Variants in MAP6D1 observed in about 807,000 individuals in gnomAD.
The protein encoded by MAP6D1 is MAP6 domain containing 1.
In MAP6D1, 13 loss-of-function variants were observed where a neutral mutation model predicts 17.4. That is an observed-to-expected ratio of 0.75 (90% confidence interval 0.49 to 1.19). MAP6D1 has a LOEUF of 1.19. Among genes scored for constraint, MAP6D1 ranks in the 50% most tolerant of loss-of-function variants. The pLI, the probability that MAP6D1 is intolerant of heterozygous loss-of-function variation, is 0.00. For missense variants in MAP6D1, 313 were observed against 312.6 expected (o/e 1.00, Z -0.01); for synonymous variants, 141 against 145.7 (o/e 0.97, Z 0.23).
At chr3:183,825,029 G>A (rs1727348616) in intron 1 of MAP6D1, 118 bp downstream of exon 1, 6 of 1,116,180 alleles carry the variant, frequency 5.4e-6, no homozygotes, top group Non-Finnish European at 6.9e-6. Context: ...CCGAGGTCGC[G>A]TGGGATCCGG....
intron 1 of MAP6D1, among the ~76,000 whole-genome samples, chr3:183,823,635 AAAAATT>A (rs1214933924): frequency 2.0e-5 from 3 of 151,526 alleles, no homozygotes; most frequent in African/African-American, 4.9e-5. Flanking sequence ...AAATAAAAAT[AAAAATT>A]AACTGGGCAT....
Position 183,825,201 on chromosome 3 carries a change from T to C in MAP6D1, c.347A>G (p.Tyr116Cys), listed in dbSNP as rs1428784968. The change falls in exon 1 of 3, where the codon TAC becomes TGC. Residue 116 changes from tyrosine (Y) to cysteine (C), a missense_variant. Transcript: ENST00000318631. Reference protein sequence around the residue: ...APPAPGARGVYVLPIGDADAA... With the variant: ...APPAPGARGVCVLPIGDADAA... ...GTCCGCGTCGCCGATGGGCAGCACG[T>C]AGACCCCGCGGGCGCCGGGCGCAGG... 5.5e-6 allele frequency: 8 copies of C among 1,449,794 alleles called. No individual in the cohort carries two copies. Among genetic ancestry groups the C allele is most frequent in the Non-Finnish European group, 6.4e-6 (7 of 1,098,828 alleles). 89.8% of individuals were successfully genotyped at this position (1,449,794 alleles called of 1,614,324 possible).
At chr3:183,820,735 TA>T (rs34760514) in intron 1 of MAP6D1, among the ~76,000 whole-genome samples, 72,005 of 147,342 alleles carry the variant, frequency 0.49, 17,407 homozygotes, top group Middle Eastern at 0.63. Flanking sequence ...CCGTCTCTAG[TA>T]AAAAAAAAAA....
chr3:183,817,174 G>C lies in MAP6D1; in HGVS notation c.*182C>G. 3.3e-6 allele frequency: 2 copies of C among 600,544 alleles called. No homozygotes were observed. The highest frequency in any genetic ancestry group is 5.9e-6 in the Non-Finnish European group (2 of 337,820). 37.2% of individuals were successfully genotyped at this position (600,544 alleles called of 1,614,324 possible). On this transcript the variant is annotated 3_prime_UTR_variant, in exon 3 of 3. Transcript: ENST00000318631. The stretch of plus-strand genomic sequence containing the variant: ...GAGGATGCTTGAGGCTGAGCTGGGT[G>C]TGCCAAGTCCATCGGTGCATCTGCT...
chr3:183,822,732 T>G (rs1727289164), intron 1 of MAP6D1, among the ~76,000 whole-genome samples: 1 of 152,196 alleles, frequency 6.6e-6, no homozygotes, highest in Non-Finnish European at 1.5e-5. Flanking sequence ...TGGGCAACAC[T>G]GAGCCGCAGC....
chr3:183,825,411 G>A lies in MAP6D1; in HGVS notation c.137C>T (p.Ala46Val), dbSNP rs1727366350. 1 of 1,441,768 alleles carries A rather than the reference G, an allele frequency of 6.9e-7. No homozygotes were observed. Among genetic ancestry groups the A allele is most frequent in the Non-Finnish European group, 9.1e-7 (1 of 1,102,348 alleles). 89.3% of individuals were successfully genotyped at this position (1,441,768 alleles called of 1,614,324 possible). A position where few individuals can be genotyped will look rare whatever the true frequency, so the allele number is the denominator to read the frequency against. Reference sequence around the variant, plus strand: ...GGGAGGCTGGCCCCTGCGCGAGGCGGCGCCGCCCGTGCCCGGCTCCTCGCT... The same window carrying A: ...GGGAGGCTGGCCCCTGCGCGAGGCGACGCCGCCCGTGCCCGGCTCCTCGCT... ...LDSEEPGTGG[A>V]ASRRGQPPAG... The change falls in exon 1 of 3, where the codon GCC becomes GTC. Residue 46 changes from alanine (A) to valine (V), a missense_variant. Transcript: ENST00000318631.
intron 1 of MAP6D1, among the ~76,000 whole-genome samples, chr3:183,818,455 C>G (rs1727171740): frequency 6.6e-6 from 1 of 152,200 alleles, no homozygotes; most frequent in Non-Finnish European, 1.5e-5. Context: ...ACCTGGGTCT[C>G]ATTCAGAACG....
rs1727117267 is a variant in MAP6D1 at position 183,816,685 on chromosome 3, A to ATCT, written c.*668_*670dup. ...TCATTAGTAACAAAATGTGGATTCA[A>ATCT]TCTTTAGAACCTAGCACAAGGTAAA... On this transcript the variant is annotated 3_prime_UTR_variant, in exon 3 of 3. Transcript: ENST00000318631. 6.6e-6 allele frequency: 1 copy of ATCT among 152,536 alleles called. No individual in the cohort carries two copies. The allele number at this position is 152,536 out of a possible 1,614,324, so 9.4% of individuals were successfully genotyped here.
chr3:183,817,664 G>A (rs921680000), intron 2 of MAP6D1, among the ~76,000 whole-genome samples: 4 of 152,030 alleles, frequency 2.6e-5, no homozygotes, highest in Non-Finnish European at 4.4e-5. Context: ...CTTGGGAATC[G>A]GAGCTGAGAT....
At chr3:183,819,855 G>T (rs771997011) in intron 1 of MAP6D1, among the ~76,000 whole-genome samples, 21 of 152,258 alleles carry the variant, frequency 1.4e-4, no homozygotes, top group Admixed American at 6.5e-4. Context: ...ACTCAGTAAA[G>T]TGGGGCCAAG....
In MAP6D1 at chr3:183,817,142, T is replaced by C. The variant is rs867166498; in HGVS notation, c.*214A>G. On this transcript the variant is annotated 3_prime_UTR_variant, in exon 3 of 3. Coordinates refer to ENST00000318631, the MANE Select transcript of MAP6D1 (RefSeq NM_024871.4). ...ACGAACGCAGGAGCCTTCCACAGGCTTCTCAAGAGGATGCTTGAGGCTGAG... is the reference window on the plus strand; with the variant it reads ...ACGAACGCAGGAGCCTTCCACAGGCCTCTCAAGAGGATGCTTGAGGCTGAG... 4 of 556,460 alleles carry C rather than the reference T, an allele frequency of 7.2e-6. No individual in the cohort carries two copies. In the South Asian group the frequency reaches 8.1e-5, roughly 11 times the overall value. The allele number at this position is 556,460 out of a possible 1,614,324, so 34.5% of individuals were successfully genotyped here.
Position 183,825,240 on chromosome 3 carries a change from T to G in MAP6D1, c.308A>C (p.Gln103Pro). The change falls in exon 1 of 3, where the codon CAG becomes CCG. Residue 103 changes from glutamine (Q) to proline (P), a missense_variant. Gln to Pro is a moderately conservative substitution (Grantham distance 76). Transcript: ENST00000318631. ...GCCGGGCGCAGGTGGCGCGGAGGAC[T>G]GCGCGGAGGATTTGCCCCTGCGGCC... ...AGGRRGKSSA[Q>P]SSAPPAPGAR... The G allele has an allele frequency of 7.2e-7, 1 of 1,382,954 alleles. No individual in the cohort carries two copies. Among genetic ancestry groups the G allele is most frequent in the South Asian group, 1.8e-5 (1 of 56,420 alleles). 85.7% of individuals were successfully genotyped at this position (1,382,954 alleles called of 1,614,324 possible).
intron 1 of MAP6D1, among the ~76,000 whole-genome samples, chr3:183,822,199 G>A (rs1232899831): frequency 6.7e-6 from 1 of 149,894 alleles, no homozygotes; most frequent in Non-Finnish European, 1.5e-5. Context: ...TTGAGCCCAG[G>A]AATTTGAGAC....
chr3:183,825,504 C>A lies in MAP6D1; in HGVS notation c.44G>T (p.Arg15Leu), dbSNP rs1172311031. The part of the protein sequence containing the change: ...CISRLCCLAR[R>L]WNQLDRSDVA... ...GTCGGAGCGGTCCAGCTGGTTCCAG[C>A]GCCGCGCCAGGCAGCACAGGCGGCT... is the stretch of plus-strand genomic sequence containing the variant. The change falls in exon 1 of 3, where the codon CGC (arginine) becomes CTC (leucine). Residue 15 changes from arginine (R) to leucine (L), a missense_variant. Physicochemically the swap from Arg to Leu is moderately radical, Grantham distance 102 (BLOSUM62 -2). Coordinates refer to ENST00000318631, the MANE Select transcript of MAP6D1 (RefSeq NM_024871.4). 2.1e-6 allele frequency: 3 copies of A among 1,397,008 alleles called. No homozygotes were observed. The South Asian group carries it at 4.5e-5, about 21-fold the overall frequency. The allele number at this position is 1,397,008 out of a possible 1,614,324, so 86.5% of individuals were successfully genotyped here. A position where few individuals can be genotyped will look rare whatever the true frequency, so the allele number is the denominator to read the frequency against.
At chr3:183,823,143 C>T (rs750775971) in intron 1 of MAP6D1, among the ~76,000 whole-genome samples, 11 of 152,190 alleles carry the variant, frequency 7.2e-5, no homozygotes, top group Non-Finnish European at 1.3e-4. Context: ...CACAGGCAGG[C>T]ACCACCACGC....
At chr3:183,822,178 A>T (rs965658620) in intron 1 of MAP6D1, among the ~76,000 whole-genome samples, 3 of 150,582 alleles carry the variant, frequency 2.0e-5, no homozygotes, top group Non-Finnish European at 4.4e-5. Flanking sequence ...AGGCTGAGGC[A>T]GGAGGATCGC....
chr3:183,824,850 C>T (rs1727340192), intron 1 of MAP6D1, among the ~76,000 whole-genome samples: 1 of 152,234 alleles, frequency 6.6e-6, no homozygotes, highest in Non-Finnish European at 1.5e-5. Flanking sequence ...TCCAACTCGG[C>T]TGAAGGCAGG....
intron 1 of MAP6D1, among the ~76,000 whole-genome samples, chr3:183,823,334 G>T (rs1727301170): frequency 6.6e-6 from 1 of 151,720 alleles, no homozygotes; most frequent in Non-Finnish European, 1.5e-5. Flanking sequence ...GGGCATGGTG[G>T]CTCATGCCTG....
chr3:183,820,864 GC>G (rs1231014249), intron 1 of MAP6D1, among the ~76,000 whole-genome samples: 5 of 151,898 alleles, frequency 3.3e-5, no homozygotes, highest in Admixed American at 1.3e-4. Flanking sequence ...CCAAGGTTGC[GC>G]CACTGCACTC....
Sources: gnomAD v4.1 joint callset for allele counts (sites outside exome capture counted in the v4.1 genomes callset) on GRCh38, gnomAD v4.1.1 for gene constraint, MANE v1.5 for transcripts, NCBI Gene and HGNC (gene_info 2026-07-23, HGNC 2026-07-21) for gene names.